Variants in SLC10A7 observed in about 807,000 individuals in gnomAD.
SLC10A7 encodes the protein solute carrier family 10 member 7.
Under a neutral mutation model 43.2 loss-of-function variants are expected in SLC10A7, and 29 were observed. The observed-to-expected ratio is 0.67, with a 90% confidence interval of 0.50 to 0.92. The LOEUF (loss-of-function observed/expected upper bound fraction) is 0.92. Ranked by LOEUF, SLC10A7 falls within the 40% of genes least tolerant of loss-of-function variation. SLC10A7 has a pLI of 0.00. For synonymous variants in SLC10A7, 152 were observed against 144.8 expected, an observed-to-expected ratio of 1.05 and a Z score of -0.35; for missense variants, 295 against 403.2, an observed-to-expected ratio of 0.73 and a Z score of 2.30.
chr4:146,373,589 A>G lies in SLC10A7; in HGVS notation c.436-47593T>C, dbSNP rs1331755316. On this transcript the variant is annotated intron_variant, in intron 5 of 11. Coordinates refer to ENST00000335472, the MANE Select transcript of SLC10A7 (RefSeq NM_001029998.6). ...AGCACCATAGTAAAAGCTTAGATTTATCCTGAGAGACATGAGACGTGAAAG... is the reference window on the plus strand; with the variant it reads ...AGCACCATAGTAAAAGCTTAGATTTGTCCTGAGAGACATGAGACGTGAAAG... Among the ~76,000 whole-genome samples the G allele has an allele frequency of 1.4e-4, 21 of 152,182 alleles. 1 individual carries two copies. Among genetic ancestry groups the G allele is most frequent in the Admixed American group, 1.4e-3 (21 of 15,270 alleles).
chr4:146,449,365 A>C (rs981236391), intron 4 of SLC10A7, among the ~76,000 whole-genome samples: 1 of 152,168 alleles, frequency 6.6e-6, no homozygotes, highest in Non-Finnish European at 1.5e-5. Context: ...CAAATGAGCC[A>C]AGAAGATGCC....
intron 2 of SLC10A7, 142 bp from the exon 3 acceptor site, chr4:146,510,191 T>A (rs987151234): frequency 3.6e-6 from 2 of 551,236 alleles, no homozygotes; most frequent in South Asian, 9.0e-5. Flanking sequence ...AGTATATGCA[T>A]ACAAGACAGA....
intron 5 of SLC10A7, among the ~76,000 whole-genome samples, chr4:146,371,794 T>C (rs1311973108): frequency 6.6e-6 from 1 of 152,176 alleles, no homozygotes; most frequent in Admixed American, 6.5e-5. Flanking sequence ...TCACTTGTAA[T>C]AAGTATTATT....
chr4:146,312,317 G>T (rs371955341), intron 6 of SLC10A7, among the ~76,000 whole-genome samples: 2 of 151,978 alleles, frequency 1.3e-5, no homozygotes, highest in Admixed American at 1.3e-4. Context: ...GACAAAGATT[G>T]TATCTATTCA....
chr4:146,405,173 A>G (rs1417475375), intron 5 of SLC10A7, among the ~76,000 whole-genome samples: 1 of 152,102 alleles, frequency 6.6e-6, no homozygotes, highest in Non-Finnish European at 1.5e-5. Flanking sequence ...GGCTTTACTT[A>G]TATTTTAAGA....
chr4:146,396,300 T>C (rs1207340121), intron 5 of SLC10A7, among the ~76,000 whole-genome samples: 3 of 152,158 alleles, frequency 2.0e-5, no homozygotes, highest in African/African-American at 7.2e-5. Flanking sequence ...GAAACACAGA[T>C]ACTCATAGAA....
chr4:146,340,341 A>C (rs1734174444), intron 5 of SLC10A7, among the ~76,000 whole-genome samples: 1 of 151,940 alleles, frequency 6.6e-6, no homozygotes, highest in Non-Finnish European at 1.5e-5. Context: ...AAAGTTCAAC[A>C]ACTAATAGAA....
chr4:146,264,571 G>A (rs1728439035), intron 10 of SLC10A7, among the ~76,000 whole-genome samples: 1 of 152,082 alleles, frequency 6.6e-6, no homozygotes, highest in Non-Finnish European at 1.5e-5. Context: ...CAGACAAGGT[G>A]CCTACTTTCT....
At chr4:146,305,816 T>G (rs1392855661) in intron 7 of SLC10A7, 110 bp downstream of exon 7, 11 of 944,712 alleles carry the variant, frequency 1.2e-5, no homozygotes, top group Non-Finnish European at 1.6e-5. Flanking sequence ...GTCTCATATT[T>G]TCATTTATCT....
intron 5 of SLC10A7, among the ~76,000 whole-genome samples, chr4:146,339,566 CATT>C (rs1224534645): frequency 6.6e-6 from 1 of 151,956 alleles, no homozygotes; most frequent in East Asian, 1.9e-4. Context: ...ACATGAGCAT[CATT>C]GGTCCACAGA....
intron 5 of SLC10A7, among the ~76,000 whole-genome samples, chr4:146,428,428 C>G (rs941763704): frequency 1.3e-5 from 2 of 152,172 alleles, no homozygotes; most frequent in African/African-American, 2.4e-5. Context: ...ATGAACTCAT[C>G]AAACTCAAGT....
At chr4:146,478,694 C>T (rs1481337628) in intron 4 of SLC10A7, among the ~76,000 whole-genome samples, 3 of 152,100 alleles carry the variant, frequency 2.0e-5, no homozygotes, top group African/African-American at 4.8e-5. Flanking sequence ...TATGCCAAAT[C>T]CCTATCCTAT....
chr4:146,498,130 T>A (rs1196578609), intron 4 of SLC10A7, among the ~76,000 whole-genome samples: 3 of 147,218 alleles, frequency 2.0e-5, no homozygotes, highest in African/African-American at 2.5e-5. Context: ...TTTTTTTTTT[T>A]ATTTTGAGAC....
At chr4:146,261,788 GA>G (rs1728241538) in intron 10 of SLC10A7, among the ~76,000 whole-genome samples, 1 of 152,126 alleles carries the variant, frequency 6.6e-6, no homozygotes, top group East Asian at 1.9e-4. Flanking sequence ...ATATATCAGA[GA>G]AAAAAATAGC....
chr4:146,324,483 C>G (rs78405132), intron 6 of SLC10A7, among the ~76,000 whole-genome samples: 1 of 152,104 alleles, frequency 6.6e-6, no homozygotes, highest in Non-Finnish European at 1.5e-5. Context: ...ACATCTCCCC[C>G]GCTCTTCTTA....
intron 5 of SLC10A7, among the ~76,000 whole-genome samples, chr4:146,364,700 C>T (rs1465927371): frequency 1.3e-5 from 2 of 152,042 alleles, no homozygotes; most frequent in Non-Finnish European, 2.9e-5. Context: ...CTTCTAAGAC[C>T]TAGCGTTCAG....
At chr4:146,272,161 A>G (rs1182367825) in intron 10 of SLC10A7, among the ~76,000 whole-genome samples, 1 of 152,182 alleles carries the variant, frequency 6.6e-6, no homozygotes, top group Non-Finnish European at 1.5e-5. Context: ...GAATGAATGG[A>G]TGATGTAGAT....
At chr4:146,290,323 C>T (rs1214627881) in intron 9 of SLC10A7, among the ~76,000 whole-genome samples, 1 of 42,534 alleles carries the variant, frequency 2.4e-5, no homozygotes, top group African/African-American at 1.2e-4. Context: ...GACTCCATCT[C>T]AAAAAAGAAA....
intron 9 of SLC10A7, among the ~76,000 whole-genome samples, chr4:146,290,302 C>G (rs1215167937): frequency 8.3e-6 from 1 of 120,396 alleles, no homozygotes; most frequent in East Asian, 2.4e-4. Context: ...CCAGCCTGGG[C>G]GATAGAGCAA....
Sources: allele counts gnomAD v4.1 joint callset (sites outside exome capture counted in the v4.1 genomes callset), GRCh38; gene constraint gnomAD v4.1.1; transcripts MANE v1.5; gene names NCBI Gene and HGNC (gene_info 2026-07-23, HGNC 2026-07-21).